The following FNBP4 variants were observed in gnomAD, a reference collection of about 807,000 sequenced individuals.
FNBP4 encodes formin-binding protein 4.
FNBP4 carries 34 observed loss-of-function variants against 119.3 expected under a neutral mutation model. That is an observed-to-expected ratio of 0.28 (90% CI 0.22 to 0.38). FNBP4 has a LOEUF of 0.38. Among genes scored for constraint, FNBP4 ranks in the 10% least tolerant of loss-of-function variants. The pLI, the probability that FNBP4 is intolerant of heterozygous loss-of-function variation, is 1.00. For synonymous variants in FNBP4, 462 were observed against 430.6 expected, an observed-to-expected ratio of 1.07 and a Z score of -0.90; for missense variants, 1,112 against 1,228.9, an observed-to-expected ratio of 0.90 and a Z score of 1.42.
At chr11:47,721,915 TAA>T (rs66522425) in intron 15 of FNBP4, among the ~76,000 whole-genome samples, 2 of 104,538 alleles carry the variant, frequency 1.9e-5, no homozygotes, top group Non-Finnish European at 3.9e-5. Flanking sequence ...ATCAAATGAT[TAA>T]AAAAAAAAAA....
At position 47,740,781 on chromosome 11, in the gene FNBP4, G is replaced by A. The variant is rs1046419787; in HGVS notation, c.1456+3172C>T. Among the ~76,000 whole-genome samples, 10 of 151,528 alleles carry A rather than the reference G, an allele frequency of 6.6e-5. 1 individual carries two copies. Among genetic ancestry groups the A allele is most frequent in the Admixed American group, 5.9e-4 (9 of 15,252 alleles). ...ATAATTTTGTATTTTTAGTAGAGAC[G>A]GGGTTTCACCATGTTGGCCAAGATG... On this transcript the variant is annotated intron_variant, in intron 8 of 16. Transcript: ENST00000263773.
chr11:47,759,902 G>A (rs1039416375), intron 2 of FNBP4, among the ~76,000 whole-genome samples: 23 of 152,132 alleles, frequency 1.5e-4, no homozygotes, highest in African/African-American at 1.9e-4. Context: ...ACAGTGAGCC[G>A]AGGCTGTGCC....
intron 9 of FNBP4, 27 bp downstream of exon 9, chr11:47,736,589 T>A: frequency 6.5e-7 from 1 of 1,532,772 alleles, no homozygotes; most frequent in Non-Finnish European, 8.9e-7. Context: ...TAAAAATTTG[T>A]CAAGTTGCAT....
rs374015807 is a variant in FNBP4 at position 47,724,011 on chromosome 11, G to A, written c.2464+17C>T. 62 of 1,606,622 alleles carry A rather than the reference G, an allele frequency of 3.9e-5. No homozygotes were observed. The African/African-American group carries it at 5.2e-4, about 14-fold the overall frequency. On this transcript the variant is annotated intron_variant, in intron 14 of 16. Transcript: ENST00000263773. ...AAACAATACATTGAGGAAAAACCACGCTCTATGCACAATTACCTGTAGCTA... is the reference window on the plus strand; with the variant it reads ...AAACAATACATTGAGGAAAAACCACACTCTATGCACAATTACCTGTAGCTA...
Position 47,754,646 on chromosome 11 carries a change from C to A in FNBP4, c.332G>T (p.Gly111Val), listed in dbSNP as rs2097612394. ...ATCGTCATCACTGTCAGCATAAGCA[C>A]CAAGCAAGCATAGACCGCCTAGAAA... ...VKATGGLCLL[G>V]AYADSDDDDN... Residue 111 changes from glycine to valine, a missense_variant, in exon 3 of 17, where the codon GGT (glycine) becomes GTT (valine). Physicochemically the swap from Gly to Val is moderately radical, Grantham distance 109. Transcript: ENST00000263773. The A allele has an allele frequency of 4.3e-6, 7 of 1,613,904 alleles. No individual in the cohort carries two copies. The Admixed American group carries it at 8.3e-5, about 19-fold the overall frequency.
At chr11:47,722,351 C>T (rs1014879757) in intron 15 of FNBP4, among the ~76,000 whole-genome samples, 3 of 151,626 alleles carry the variant, frequency 2.0e-5, no homozygotes, top group Middle Eastern at 3.4e-3. Flanking sequence ...CAGGTTCAAG[C>T]GACTCTCCCG....
At chr11:47,747,273 C>T (rs772517893) in intron 6 of FNBP4, among the ~76,000 whole-genome samples, 13 of 152,106 alleles carry the variant, frequency 8.5e-5, no homozygotes, top group Non-Finnish European at 1.8e-4. Flanking sequence ...AGTGTGATGT[C>T]GGCTCACTGC....
intron 2 of FNBP4, among the ~76,000 whole-genome samples, chr11:47,764,362 G>A (rs1389316235): frequency 1.3e-5 from 2 of 152,144 alleles, no homozygotes; most frequent in Admixed American, 1.3e-4. Flanking sequence ...GATTACAGGC[G>A]TGAGCCACTG....
In FNBP4 at chr11:47,767,289, C is replaced by A; in HGVS notation, c.-1G>T. 6.6e-7 allele frequency: 1 copy of A among 1,513,452 alleles called. No individual in the cohort carries two copies. The highest frequency in any genetic ancestry group is 1.2e-5 in the South Asian group (1 of 80,274). 93.8% of individuals were successfully genotyped at this position (1,513,452 alleles called of 1,614,324 possible). A position where few individuals can be genotyped will look rare whatever the true frequency, so the allele number is the denominator to read the frequency against. The stretch of plus-strand genomic sequence containing the variant: ...GTACCGCCCGGGACTTCTTCCCCAT[C>A]GCGAGCCCAAGCGCGAGCAGAGAGC... On this transcript the variant is annotated 5_prime_UTR_variant, in exon 1 of 17. Coordinates refer to ENST00000263773, the MANE Select transcript of FNBP4 (RefSeq NM_015308.5).
chr11:47,732,734 G>GTT lies in FNBP4; in HGVS notation c.1687-65_1687-64insAA. The stretch of plus-strand genomic sequence containing the variant: ...ACATGTCAGGAGACACAGGCAAAGG[G>GTT]GATATAAACCTTCTGCTCCAAGACT... On this transcript the variant is annotated intron_variant, in intron 10 of 16. Coordinates refer to ENST00000263773, the MANE Select transcript of FNBP4 (RefSeq NM_015308.5). The surrounding 1 kb of genome is among the most constrained non-coding windows in gnomAD (Gnocchi z 4.2). 1 of 1,499,836 alleles carries GTT rather than the reference G, an allele frequency of 6.7e-7. No homozygotes were observed. Among genetic ancestry groups the GTT allele is most frequent in the East Asian group, 2.3e-5 (1 of 44,050 alleles). 92.9% of individuals were successfully genotyped at this position (1,499,836 alleles called of 1,614,324 possible). A position where few individuals can be genotyped will look rare whatever the true frequency, so the allele number is the denominator to read the frequency against.
At position 47,719,902 on chromosome 11, in the gene FNBP4, T is replaced by C. The variant is rs200042627; in HGVS notation, c.2963+27A>G. 1.9e-4 allele frequency: 306 copies of C among 1,612,258 alleles called. 2 individuals are homozygous for C. The African/African-American group carries it at 2.7e-3, about 14-fold the overall frequency. On this transcript the variant is annotated intron_variant, in intron 16 of 16. Transcript: ENST00000263773. Reference sequence around the variant, plus strand: ...GGTCTCAACCTACTCCAAAACCCCATCTCATCTGTGTTTCCTTTTCTTTTA... The same window carrying C: ...GGTCTCAACCTACTCCAAAACCCCACCTCATCTGTGTTTCCTTTTCTTTTA...
chr11:47,765,505 T>C lies in FNBP4; in HGVS notation c.221-143A>G. On this transcript the variant is annotated intron_variant, in intron 1 of 16. Coordinates refer to ENST00000263773, the MANE Select transcript of FNBP4 (RefSeq NM_015308.5). ...ATTTCAGCTCTAGATTCCATCAATT[T>C]TTTAAAAAGTGCATTTCGGATGGGT... The C allele has an allele frequency of 4.2e-6, 2 of 473,134 alleles. 1 individual carries two copies. Among genetic ancestry groups the C allele is most frequent in the South Asian group, 4.9e-5 (2 of 41,224 alleles). The allele number at this position is 473,134 out of a possible 1,614,324, so 29.3% of individuals were successfully genotyped here. A position where few individuals can be genotyped will look rare whatever the true frequency, so the allele number is the denominator to read the frequency against.
chr11:47,762,697 G>T (rs555125113), intron 2 of FNBP4, among the ~76,000 whole-genome samples: 148 of 150,670 alleles, frequency 9.8e-4, no homozygotes, highest in African/African-American at 3.4e-3. Context: ...TGGATTACTT[G>T]AAGTCAGGAG....
chr11:47,732,344 T>C lies in FNBP4; in HGVS notation c.1820+193A>G. 1.3e-6 allele frequency: 2 copies of C among 1,482,348 alleles called. No individual in the cohort carries two copies. The highest frequency in any genetic ancestry group is 2.8e-5 in the South Asian group (2 of 71,120). 91.8% of individuals were successfully genotyped at this position (1,482,348 alleles called of 1,614,324 possible). A position where few individuals can be genotyped will look rare whatever the true frequency, so the allele number is the denominator to read the frequency against. On this transcript the variant is annotated intron_variant, in intron 11 of 16. Transcript: ENST00000263773. This position sits in a 1 kb window ranked among gnomAD's most constrained non-coding sequence, Gnocchi z 4.2. ...GGAAAAAATCCGTTACATGGAACACTTTAAACATTGCTTTTGTTTCTCCAA... is the reference window on the plus strand; with the variant it reads ...GGAAAAAATCCGTTACATGGAACACCTTAAACATTGCTTTTGTTTCTCCAA...
intron 2 of FNBP4, among the ~76,000 whole-genome samples, chr11:47,760,815 T>G (rs563655007): frequency 1.4e-4 from 22 of 152,270 alleles, no homozygotes; most frequent in African/African-American, 5.1e-4. Context: ...CCACCTGCCT[T>G]GGCCTCCCAT....
In FNBP4 at chr11:47,767,313, G is replaced by A; in HGVS notation, c.-25C>T. On this transcript the variant is annotated 5_prime_UTR_variant, in exon 1 of 17. Coordinates refer to ENST00000263773, the MANE Select transcript of FNBP4 (RefSeq NM_015308.5). ...TCGCGAGCCCAAGCGCGAGCAGAGA[G>A]CGTCGGGCGGCCGAGAGGGGCGGGC... 4.1e-6 allele frequency: 6 copies of A among 1,458,344 alleles called. No individual in the cohort carries two copies. Among genetic ancestry groups the A allele is most frequent in the Non-Finnish European group, 5.4e-6 (6 of 1,111,736 alleles). 90.3% of individuals were successfully genotyped at this position (1,458,344 alleles called of 1,614,324 possible). A position where few individuals can be genotyped will look rare whatever the true frequency, so the allele number is the denominator to read the frequency against.
chr11:47,761,922 T>C (rs1372500256), intron 2 of FNBP4, among the ~76,000 whole-genome samples: 1 of 150,818 alleles, frequency 6.6e-6, no homozygotes, highest in Non-Finnish European at 1.5e-5. Context: ...CACCGCAACC[T>C]CTGCCTCCTG....
intron 16 of FNBP4, among the ~76,000 whole-genome samples, chr11:47,718,579 C>A (rs1565116516): frequency 6.6e-6 from 1 of 152,204 alleles, no homozygotes; most frequent in Non-Finnish European, 1.5e-5. Flanking sequence ...CAAATTCTAT[C>A]TTGCAATTAA....
At chr11:47,720,375 T>C (rs973272144) in intron 15 of FNBP4, among the ~76,000 whole-genome samples, 1 of 151,836 alleles carries the variant, frequency 6.6e-6, no homozygotes, top group Non-Finnish European at 1.5e-5. Context: ...GAGACCATCC[T>C]GGCTAACATG....
Sources: allele counts gnomAD v4.1 joint callset (sites outside exome capture counted in the v4.1 genomes callset), GRCh38; gene constraint gnomAD v4.1.1; non-coding constraint Gnocchi (gnomAD v3.1); transcripts MANE v1.5; gene names NCBI Gene and HGNC (gene_info 2026-07-23, HGNC 2026-07-21).